Variants in COQ9 observed in about 807,000 individuals in gnomAD.
The protein encoded by COQ9 is coenzyme Q9, also known as ubiquinone biosynthesis protein COQ9, mitochondrial.
Under a neutral mutation model 42.4 loss-of-function variants are expected in COQ9, and 35 were observed. The ratio of observed to expected loss-of-function variants is 0.83; its 90% CI spans 0.63 to 1.10. The LOEUF is 1.10. COQ9 is among the 50% of genes least tolerant of loss of function. COQ9 has a pLI of 0.00. For missense variants in COQ9, 406 were observed against 414.6 expected (o/e 0.98, Z 0.18); for synonymous variants, 155 against 155.1 (o/e 1.00, Z 0.00).
chr16:57,460,359 T>C (rs1011099124), intron 8 of COQ9, among the ~76,000 whole-genome samples: 6 of 152,106 alleles, frequency 3.9e-5, no homozygotes, highest in African/African-American at 1.4e-4. Context: ...ACCTGCCACC[T>C]TGCAAACCTG....
In COQ9 at chr16:57,460,529, A is replaced by G. The variant is rs1598040643; in HGVS notation, c.922-60A>G. On this transcript the variant is annotated intron_variant, in intron 8 of 8. Transcript: ENST00000262507. ...GAAAAAGAAAAGCTAGGTCTTTTCT[A>G]TTAGAGTCTAGAGGCAAGGTAAGCC... is the stretch of plus-strand genomic sequence containing the variant. The G allele has an allele frequency of 5.3e-6, 8 of 1,514,718 alleles. 1 individual carries two copies. The highest frequency in any genetic ancestry group is 2.3e-5 in the South Asian group (2 of 88,824). The allele number at this position is 1,514,718 out of a possible 1,614,324, so 93.8% of individuals were successfully genotyped here.
In COQ9 at chr16:57,459,594, G is replaced by A. The variant is rs144686029; in HGVS notation, c.741G>A (p.Leu247=). The A allele has an allele frequency of 1.2e-5, 19 of 1,614,056 alleles. No homozygotes were observed. In the African/African-American group the frequency reaches 2.0e-4, roughly 17 times the overall value. The change falls in exon 7 of 9, where the codon CTG becomes CTA. Residue 247 remains leucine (L), a synonymous_variant. Coordinates refer to ENST00000262507, the MANE Select transcript of COQ9 (RefSeq NM_020312.4). ...DFNWYTRRAM[L]AAIYNTTELV... ...ACTGGTACACCCGCCGAGCCATGCTGGCTGCCATCTACAACACAACAGAGC... is the reference window on the plus strand; with the variant it reads ...ACTGGTACACCCGCCGAGCCATGCTAGCTGCCATCTACAACACAACAGAGC...
intron 3 of COQ9, 197 bp from the exon 4 acceptor site, chr16:57,456,307 G>C (rs1384344632): frequency 2.1e-5 from 13 of 622,454 alleles, no homozygotes; most frequent in African/African-American, 3.6e-5. Context: ...TTCAAGCCTA[G>C]ATCCCACTCT....
In COQ9 at chr16:57,461,233, T is replaced by C; in HGVS notation, c.*609T>C. The C allele has an allele frequency of 2.3e-6, 1 of 437,072 alleles. No homozygotes were observed. Among genetic ancestry groups the C allele is most frequent in the Non-Finnish European group, 4.6e-6 (1 of 216,342 alleles). The allele number at this position is 437,072 out of a possible 1,614,324, so 27.1% of individuals were successfully genotyped here. A position where few individuals can be genotyped will look rare whatever the true frequency, so the allele number is the denominator to read the frequency against. On this transcript the variant is annotated 3_prime_UTR_variant, in exon 9 of 9. Transcript: ENST00000262507. ...TGCATTGCAGGATTATTAGTGTATT[T>C]TGAGTCTGTAAAAATAATAAATATG...
chr16:57,452,826 G>C lies in COQ9; in HGVS notation c.268G>C (p.Glu90Gln), dbSNP rs767564357. Reference sequence around the variant, plus strand: ...GTATACAGACCAGGGCGGCGAGGAGGAGGAGGACTATGAAAGTGAGGAGCA... The same window carrying C: ...GTATACAGACCAGGGCGGCGAGGAGCAGGAGGACTATGAAAGTGAGGAGCA... ...PRYTDQGGEE[E>Q]EDYESEEQLQ... The change falls in exon 3 of 9, where the codon GAG becomes CAG. Residue 90 changes from glutamate (E) to glutamine (Q), a missense_variant. Transcript: ENST00000262507. 2 of 1,613,532 alleles carry C rather than the reference G, an allele frequency of 1.2e-6. No homozygotes were observed. Among genetic ancestry groups the C allele is most frequent in the East Asian group, 4.5e-5 (2 of 44,892 alleles).
chr16:57,448,393 A>T (rs2030191240), intron 1 of COQ9, among the ~76,000 whole-genome samples: 1 of 139,176 alleles, frequency 7.2e-6, no homozygotes, highest in Non-Finnish European at 1.5e-5. Flanking sequence ...CCTCCCAAGG[A>T]GCTGGGACTA....
chr16:57,456,574 T>C lies in COQ9; in HGVS notation c.449T>C (p.Val150Ala), dbSNP rs1189027445. The C allele has an allele frequency of 1.2e-6, 2 of 1,614,180 alleles. No individual in the cohort carries two copies. Among genetic ancestry groups the C allele is most frequent in the Non-Finnish European group, 1.7e-6 (2 of 1,180,028 alleles). The change falls in exon 4 of 9, where the codon GTG (valine) becomes GCG (alanine). Residue 150 changes from valine (V) to alanine (A), a missense_variant. Transcript: ENST00000262507. ...GGCAGTGAGCTAATACTGCATTTTG[T>C]GACCCAGTGCAATACCCGGCTCACA... Reference protein sequence around the residue: ...KDGSELILHFVTQCNTRLTRV... With the variant: ...KDGSELILHFATQCNTRLTRV...
chr16:57,458,290 G>C lies in COQ9; in HGVS notation c.651G>C (p.Leu217=). ...LMLPHNIPSS[L]SLLTSMVDDM... is the part of the protein sequence containing the mutation. ...TCCCTCACAACATCCCGTCCAGCCT[G>C]AGCCTGCTCACCAGCATGGTGGATG... is the stretch of plus-strand genomic sequence containing the variant. Residue 217 remains leucine, a synonymous_variant, in exon 6 of 9, where the codon CTG becomes CTC. Transcript: ENST00000262507. 1 of 1,612,920 alleles carries C rather than the reference G, an allele frequency of 6.2e-7. No individual in the cohort carries two copies. The highest frequency in any genetic ancestry group is 8.5e-7 in the Non-Finnish European group (1 of 1,179,520).
chr16:57,449,571 C>T (rs1420034027), intron 1 of COQ9, among the ~76,000 whole-genome samples: 14 of 151,916 alleles, frequency 9.2e-5, no homozygotes, highest in African/African-American at 2.9e-4. Flanking sequence ...TTGCTTGAGC[C>T]GAGGAGTTCA....
At chr16:57,450,868 G>A (rs1254140067) in intron 1 of COQ9, 172 bp from the exon 2 acceptor site, 28 of 732,370 alleles carry the variant, frequency 3.8e-5, no homozygotes, top group South Asian at 2.9e-4. Flanking sequence ...CTACCACTTC[G>A]TGTCCCAAAG....
chr16:57,453,304 G>A (rs911264870), intron 3 of COQ9: 4 of 326,112 alleles, frequency 1.2e-5, no homozygotes, highest in Non-Finnish European at 2.4e-5. Flanking sequence ...GCACTTCTGT[G>A]ATTCACACTG....
chr16:57,450,427 A>AAG (rs1211564666), intron 1 of COQ9, among the ~76,000 whole-genome samples: 2 of 151,918 alleles, frequency 1.3e-5, no homozygotes, highest in Non-Finnish European at 2.9e-5. Flanking sequence ...AAAAAAAAAA[A>AAG]AAAGAAAATT....
chr16:57,460,243 C>A, intron 8 of COQ9, 139 bp downstream of exon 8: 1 of 952,266 alleles, frequency 1.1e-6, no homozygotes, highest in East Asian at 2.6e-5. Flanking sequence ...TGGTTCAGCC[C>A]TAGTGTCTTG....
chr16:57,457,023 G>A lies in COQ9; in HGVS notation c.606+8G>A, dbSNP rs1213495373. The stretch of plus-strand genomic sequence containing the variant: ...ATTGAGCACTGGCCCCGGGTACCAA[G>A]TCTATATCCAGGCCCCAGAGCAACA... On this transcript the variant is annotated splice_region_variant and intron_variant, in intron 5 of 8. Transcript: ENST00000262507. 5.6e-6 allele frequency: 9 copies of A among 1,604,682 alleles called. No homozygotes were observed. Among genetic ancestry groups the A allele is most frequent in the Non-Finnish European group, 7.7e-6 (9 of 1,171,466 alleles).
chr16:57,450,693 GGGCC>G, intron 1 of COQ9: 1 of 353,156 alleles, frequency 2.8e-6, no homozygotes, highest in East Asian at 6.8e-5. Context: ...CTTTTTGTTT[GGGCC>G]ACACAGTGCT....
At chr16:57,460,320 G>A (rs538464202) in intron 8 of COQ9, among the ~76,000 whole-genome samples, 3 of 152,200 alleles carry the variant, frequency 2.0e-5, no homozygotes, top group East Asian at 3.9e-4. Context: ...CTGGGACCCT[G>A]GTATATCAAG....
intron 1 of COQ9, 164 bp downstream of exon 1, chr16:57,447,742 C>CG (rs2030163103): frequency 4.1e-6 from 2 of 490,696 alleles, no homozygotes; most frequent in Admixed American, 8.8e-5. Flanking sequence ...TGGCTAGCTT[C>CG]GGCCCTGCTC....
At chr16:57,452,596 C>T (rs1421719681) in intron 2 of COQ9, among the ~76,000 whole-genome samples, 3 of 152,166 alleles carry the variant, frequency 2.0e-5, no homozygotes, top group Admixed American at 6.5e-5. Context: ...GAGCTGAGAT[C>T]ACGCCACTGG....
At chr16:57,456,851 C>T in intron 4 of COQ9, 80 bp from the exon 5 acceptor site, 1 of 1,396,676 alleles carries the variant, frequency 7.2e-7, no homozygotes, top group Non-Finnish European at 1.0e-6. Context: ...GGACCCTCCT[C>T]CCTAGGGCTG....
Sources: allele counts gnomAD v4.1 joint callset (sites outside exome capture counted in the v4.1 genomes callset), GRCh38; gene constraint gnomAD v4.1.1; transcripts MANE v1.5; gene names NCBI Gene and HGNC (gene_info 2026-07-23, HGNC 2026-07-21).